TTLL5: variants seen among roughly 807,000 people sequenced by gnomAD.
TTLL5 encodes tubulin polyglutamylase TTLL5.
A neutral mutation model predicts 168.4 loss-of-function variants in TTLL5; 132 were observed. The ratio of observed to expected loss-of-function variants is 0.78; its 90% confidence interval spans 0.68 to 0.91. The LOEUF (loss-of-function observed/expected upper bound fraction) is 0.91, where lower values mean the gene tolerates loss of function less well. Among genes scored for constraint, TTLL5 ranks in the 40% least tolerant of loss-of-function variants. The pLI, the probability that TTLL5 is intolerant of heterozygous loss-of-function variation, is 0.00. For synonymous variants in TTLL5, 546 were observed against 558.6 expected, an observed-to-expected ratio of 0.98 and a Z score of 0.32; for missense variants, 1,545 against 1,581.5, an observed-to-expected ratio of 0.98 and a Z score of 0.39.
At chr14:75,682,318 A>T (rs930319761) in intron 4 of TTLL5, among the ~76,000 whole-genome samples, 10 of 152,142 alleles carry the variant, frequency 6.6e-5, no homozygotes, top group African/African-American at 2.4e-4. Context: ...AGCCCCAAGG[A>T]TATAGGAACA....
Position 75,720,593 on chromosome 14 carries a change from C to T in TTLL5, c.935-3C>T, listed in dbSNP as rs777210054. On this transcript the variant is annotated splice_region_variant and splice_polypyrimidine_tract_variant and intron_variant, in intron 11 of 31. Coordinates refer to ENST00000298832, the MANE Select transcript of TTLL5 (RefSeq NM_015072.5). ...TCTGAAATTTAAAAATTTTTGTTTG[C>T]AGCATTGATGGCCCATGTAGAAGAC... The T allele has an allele frequency of 3.7e-6, 6 of 1,610,996 alleles. No individual in the cohort carries two copies. The East Asian group carries it at 8.9e-5, about 24-fold the overall frequency.
chr14:75,851,684 C>T (rs570737552), intron 28 of TTLL5, among the ~76,000 whole-genome samples: 11 of 152,254 alleles, frequency 7.2e-5, no homozygotes, highest in African/African-American at 2.4e-5. Context: ...CTCTCTCTGG[C>T]GGGTGAGACT....
chr14:75,692,719 A>G (rs1172398483), intron 6 of TTLL5, among the ~76,000 whole-genome samples: 1 of 152,174 alleles, frequency 6.6e-6, no homozygotes, highest in Non-Finnish European at 1.5e-5. Flanking sequence ...AGGAATCCTA[A>G]GGTTTGAGTC....
intron 31 of TTLL5, among the ~76,000 whole-genome samples, chr14:75,950,532 T>G (rs925856859): frequency 2.0e-5 from 3 of 152,204 alleles, no homozygotes; most frequent in African/African-American, 7.2e-5. Flanking sequence ...CTGAGTTTGC[T>G]TTGAAAATAC....
At chr14:75,800,024 C>A (rs958597808) in intron 27 of TTLL5, among the ~76,000 whole-genome samples, 2 of 152,214 alleles carry the variant, frequency 1.3e-5, no homozygotes, top group Non-Finnish European at 2.9e-5. Context: ...TTGGCAAGGC[C>A]AGGGAAGTTC....
chr14:75,782,523 A>C lies in TTLL5; in HGVS notation c.2552A>C (p.Lys851Thr). 6.2e-7 allele frequency: 1 copy of C among 1,614,022 alleles called. No individual in the cohort carries two copies. The highest frequency in any genetic ancestry group is 1.1e-5 in the South Asian group (1 of 91,062). Residue 851 changes from lysine (K) to threonine (T), a missense_variant, in exon 25 of 32, where the codon AAG becomes ACG. Coordinates refer to ENST00000298832, the MANE Select transcript of TTLL5 (RefSeq NM_015072.5). ...PETIMEEVKI[K>T]PPKQQQTTEI... ...ACTATAATGGAAGAAGTGAAAATAA[A>C]GCCACCTAAACAGCAACAGACGACA...
At chr14:75,918,698 C>T (rs1251788628) in intron 31 of TTLL5, among the ~76,000 whole-genome samples, 1 of 152,154 alleles carries the variant, frequency 6.6e-6, no homozygotes, top group East Asian at 1.9e-4. Context: ...TGATATATCA[C>T]ATTCATTCAC....
In TTLL5 at chr14:75,764,616, A is replaced by G. The variant is rs774032319; in HGVS notation, c.1552A>G (p.Met518Val). The G allele has an allele frequency of 1.2e-6, 2 of 1,614,058 alleles. No homozygotes were observed. Among genetic ancestry groups the G allele is most frequent in the East Asian group, 4.5e-5 (2 of 44,886 alleles). ...GCTACCATGTTGCTTTTCCCCTAGA[A>G]TGACTGCTGATGGAGCGCCAGAATT... ...MLATRLFQDR[M>V]TADGAPELKI... is the part of the protein sequence containing the mutation. The change falls in exon 19 of 32, where the codon ATG becomes GTG. Residue 518 changes from methionine to valine, a missense_variant and splice_region_variant. Physicochemically the swap from Met to Val is conservative, Grantham distance 21. Coordinates refer to ENST00000298832, the MANE Select transcript of TTLL5 (RefSeq NM_015072.5).
chr14:75,867,481 G>A (rs1385643599), intron 29 of TTLL5, among the ~76,000 whole-genome samples: 1 of 152,176 alleles, frequency 6.6e-6, no homozygotes, highest in African/African-American at 2.4e-5. Context: ...GAATTTCAGG[G>A]CCGGGCGTGG....
chr14:75,742,384 ATTGTTTTGTT>A (rs557767951), intron 15 of TTLL5, among the ~76,000 whole-genome samples: 49 of 152,010 alleles, frequency 3.2e-4, no homozygotes, highest in Middle Eastern at 3.4e-3. Flanking sequence ...CAGTGGCTTT[ATTGTTTTGTT>A]TTGTTTTGTT....
At chr14:75,764,387 A>T (rs1188414820) in intron 18 of TTLL5, among the ~76,000 whole-genome samples, 1 of 152,212 alleles carries the variant, frequency 6.6e-6, no homozygotes, top group East Asian at 1.9e-4. Context: ...AAGGTCTTAA[A>T]CATTGTCTTT....
At chr14:75,942,005 C>A (rs1046266203) in intron 31 of TTLL5, among the ~76,000 whole-genome samples, 1 of 128,780 alleles carries the variant, frequency 7.8e-6, no homozygotes, top group Admixed American at 8.7e-5. Flanking sequence ...CATGGTGAAA[C>A]CCATCTCTAC....
intron 19 of TTLL5, 92 bp downstream of exon 19, chr14:75,764,864 A>G: frequency 6.3e-6 from 9 of 1,419,296 alleles, no homozygotes; most frequent in South Asian, 2.6e-5. Flanking sequence ...ATGAGTCAGA[A>G]TCTTCCTGAT....
chr14:75,786,855 G>A (rs1001411391), intron 26 of TTLL5, among the ~76,000 whole-genome samples: 3 of 152,122 alleles, frequency 2.0e-5, no homozygotes, highest in South Asian at 2.1e-4. Context: ...TAAATTGGCC[G>A]GGCACAGCGT....
chr14:75,879,987 A>T (rs373448338), intron 29 of TTLL5, among the ~76,000 whole-genome samples: 1 of 152,220 alleles, frequency 6.6e-6, no homozygotes, highest in Admixed American at 6.5e-5. Flanking sequence ...ATAAATAACT[A>T]TATGCACGCA....
In TTLL5 at chr14:75,874,793, TAAC is replaced by T. The variant is rs906873420; in HGVS notation, c.3523-7888_3523-7886del. On this transcript the variant is annotated intron_variant, in intron 29 of 31. Transcript: ENST00000298832. ...ATTCTTAAAAAGCAAAGTAAACTGGTAACAACCTGAATGTGTGTGTGTATATAT... is the reference window on the plus strand; with the variant it reads ...ATTCTTAAAAAGCAAAGTAAACTGGTAACCTGAATGTGTGTGTGTATATAT... Among the ~76,000 whole-genome samples the T allele has an allele frequency of 1.1e-4, 17 of 152,208 alleles. No individual in the cohort carries two copies. The East Asian group carries it at 2.1e-3, about 19-fold the overall frequency.
At chr14:75,749,750 A>G (rs1566587453) in intron 17 of TTLL5, among the ~76,000 whole-genome samples, 1 of 152,156 alleles carries the variant, frequency 6.6e-6, no homozygotes, top group Non-Finnish European at 1.5e-5. Context: ...GCCTTTACAT[A>G]GAATGTGGGA....
At chr14:75,679,374 A>C (rs1407877147) in intron 3 of TTLL5, among the ~76,000 whole-genome samples, 2 of 152,222 alleles carry the variant, frequency 1.3e-5, no homozygotes, top group East Asian at 3.8e-4. Flanking sequence ...AAAGGGAAGG[A>C]AACAAATCCT....
At chr14:75,851,777 A>C (rs1432048699) in intron 28 of TTLL5, among the ~76,000 whole-genome samples, 1 of 152,050 alleles carries the variant, frequency 6.6e-6, no homozygotes, top group African/African-American at 2.4e-5. Flanking sequence ...GGCTGCCCTC[A>C]TTTATCACCC....
Sources: gnomAD v4.1 joint callset for allele counts (sites outside exome capture counted in the v4.1 genomes callset) on GRCh38, gnomAD v4.1.1 for gene constraint, MANE v1.5 for transcripts, NCBI Gene and HGNC (gene_info 2026-07-23, HGNC 2026-07-21) for gene names.